Variants in MPRIP observed in about 807,000 individuals in gnomAD.
The protein encoded by MPRIP is myosin phosphatase Rho interacting protein.
MPRIP carries 59 observed loss-of-function variants against 234.9 expected under a neutral mutation model. The observed-to-expected ratio is 0.25, with a 90% CI of 0.20 to 0.31. The LOEUF (loss-of-function observed/expected upper bound fraction) is 0.31. Among genes scored for constraint, MPRIP ranks in the 10% least tolerant of loss-of-function variants. MPRIP has a pLI of 1.00. For synonymous variants in MPRIP, 1,144 were observed against 1,263.9 expected (o/e 0.91, Z 2.01); for missense variants, 2,436 against 3,071.0 (o/e 0.79, Z 4.89).
chr17:17,099,886 AT>A (rs1479371692), intron 3 of MPRIP, among the ~76,000 whole-genome samples: 1 of 152,244 alleles, frequency 6.6e-6, no homozygotes, highest in East Asian at 1.9e-4. Context: ...TCTTGTACAA[AT>A]TTTGTAAAAA....
intron 3 of MPRIP, among the ~76,000 whole-genome samples, chr17:17,114,990 G>A (rs921445456): frequency 3.3e-5 from 5 of 152,386 alleles, no homozygotes; most frequent in East Asian, 1.9e-4. Flanking sequence ...AGCCCTGAAC[G>A]GGTCATTTCC....
chr17:17,138,109 C>A lies in MPRIP; in HGVS notation c.930C>A (p.Leu310=). The A allele has an allele frequency of 6.5e-7, 1 of 1,543,600 alleles. No individual in the cohort carries two copies. Among genetic ancestry groups the A allele is most frequent in the South Asian group, 1.2e-5 (1 of 81,226 alleles). ...GCCCCGAGTCGCCCTCCCAGGAGCT[C>A]GGTGGTCCTCTTCCTTCCCCAGGTC... ...YSCPESPSQE[L]GGPLPSPGPR... The change falls in exon 7 of 24, where the codon CTC becomes CTA. Residue 310 remains leucine, a synonymous_variant. Transcript: ENST00000651222. The surrounding 1 kb of genome is among the most constrained non-coding windows in gnomAD (Gnocchi z 5.8).
chr17:17,177,517 T>C, intron 22 of MPRIP, 105 bp downstream of exon 22: 1 of 1,289,034 alleles, frequency 7.8e-7, no homozygotes, highest in Non-Finnish European at 1.1e-6. Context: ...GTCCCAGTGA[T>C]GCTTGTAGAC....
Position 17,165,056 on chromosome 17 carries a change from G to A in MPRIP, c.3465G>A (p.Gln1155=), listed in dbSNP as rs1346290989. Residue 1155 remains glutamine (Q), a synonymous_variant, in exon 16 of 24, where the codon CAG becomes CAA. Transcript: ENST00000651222. Reference sequence around the variant, plus strand: ...ACTCCTACCAGAGGGTCTCCAGCCAGCTGCAGAGCATGCACACTCTGCTGA... The same window carrying A: ...ACTCCTACCAGAGGGTCTCCAGCCAACTGCAGAGCATGCACACTCTGCTGA... ...LEHSYQRVSS[Q]LQSMHTLLRE... 7 of 1,302,612 alleles carry A rather than the reference G, an allele frequency of 5.4e-6. No individual in the cohort carries two copies. In the East Asian group the frequency reaches 2.8e-4, roughly 52 times the overall value. 80.7% of individuals were successfully genotyped at this position (1,302,612 alleles called of 1,614,324 possible). A position where few individuals can be genotyped will look rare whatever the true frequency, so the allele number is the denominator to read the frequency against.
At chr17:17,109,849 G>A (rs975345869) in intron 3 of MPRIP, among the ~76,000 whole-genome samples, 1 of 152,208 alleles carries the variant, frequency 6.6e-6, no homozygotes, top group African/African-American at 2.4e-5. Flanking sequence ...CATGCGGATG[G>A]GGGTGTGTCA....
chr17:17,167,143 C>A lies in MPRIP; in HGVS notation c.5552C>A (p.Ala1851Glu). 1 of 1,304,112 alleles carries A rather than the reference C, an allele frequency of 7.7e-7. No homozygotes were observed. Among genetic ancestry groups the A allele is most frequent in the Non-Finnish European group, 1.0e-6 (1 of 988,944 alleles). 80.8% of individuals were successfully genotyped at this position (1,304,112 alleles called of 1,614,324 possible). A position where few individuals can be genotyped will look rare whatever the true frequency, so the allele number is the denominator to read the frequency against. ...ATTATTCAGGCCCAGGTTTGCTATG[C>A]GTCCTGCAGAATCCGGCTAGAATAT... is the stretch of plus-strand genomic sequence containing the variant. ...DAIIQAQVCYASCRIRLEYEK... is the reference protein window; with the variant it reads ...DAIIQAQVCYESCRIRLEYEK... Residue 1851 changes from alanine (A) to glutamate (E), a missense_variant, in exon 16 of 24, where the codon GCG (alanine) becomes GAG (glutamate). This residue lies in a region of MPRIP where 1,998 missense variants were observed against 2,520.3 expected (regional missense o/e 0.79). Coordinates refer to ENST00000651222, the MANE Select transcript of MPRIP (RefSeq NM_001364716.4). The surrounding 1 kb of genome is among the most constrained non-coding windows in gnomAD (Gnocchi z 5.9).
chr17:17,128,746 G>A (rs1202744804), intron 4 of MPRIP, among the ~76,000 whole-genome samples: 1 of 152,170 alleles, frequency 6.6e-6, no homozygotes, highest in Non-Finnish European at 1.5e-5. Flanking sequence ...CCACAAGCTG[G>A]GATGCTCAGC....
intron 8 of MPRIP, 33 bp downstream of exon 8, chr17:17,142,798 G>GTA: frequency 6.2e-7 from 1 of 1,606,294 alleles, no homozygotes; most frequent in Non-Finnish European, 8.5e-7. Context: ...CACCTCAGGG[G>GTA]TGGCTCGGGG....
Position 17,164,694 on chromosome 17 carries a change from G to A in MPRIP, c.3103G>A (p.Ala1035Thr). ...GGAGAGCTGTGAGAAGGAGAAGCAG[G>A]CATTGCTGCAGAACCTAAAGGAAGT... ...LLESCEKEKQ[A>T]LLQNLKEVED... Residue 1035 changes from alanine to threonine, a missense_variant, in exon 16 of 24, where the codon GCA becomes ACA. Around this residue, in one of 4 missense-constraint regions of MPRIP, gnomAD observed 1,998 missense variants for 2,520.3 expected, o/e 0.79. Coordinates refer to ENST00000651222, the MANE Select transcript of MPRIP (RefSeq NM_001364716.4). 1 of 1,272,082 alleles carries A rather than the reference G, an allele frequency of 7.9e-7. No homozygotes were observed. The highest frequency in any genetic ancestry group is 1.0e-6 in the Non-Finnish European group (1 of 976,174). The allele number at this position is 1,272,082 out of a possible 1,614,324, so 78.8% of individuals were successfully genotyped here. A position where few individuals can be genotyped will look rare whatever the true frequency, so the allele number is the denominator to read the frequency against.
Position 17,175,338 on chromosome 17 carries a change from C to T in MPRIP, c.6796C>T (p.Leu2266=). The T allele has an allele frequency of 6.2e-7, 1 of 1,613,628 alleles. No homozygotes were observed. Among genetic ancestry groups the T allele is most frequent in the Admixed American group, 1.7e-5 (1 of 60,032 alleles). ...LAAEITRLRT[L]LTGDGGGEAT... is the part of the protein sequence containing the mutation. The stretch of plus-strand genomic sequence containing the variant: ...TGCAGAGATCACACGGTTGCGGACG[C>T]TGCTGACTGGGGACGGCGGTGGGGA... The change falls in exon 20 of 24, where the codon CTG becomes TTG. Residue 2266 remains leucine, a synonymous_variant. Transcript: ENST00000651222.
intron 1 of MPRIP, among the ~76,000 whole-genome samples, chr17:17,060,538 G>C (rs938858300): frequency 6.6e-6 from 1 of 152,128 alleles, no homozygotes; most frequent in South Asian, 2.1e-4. Flanking sequence ...TGTGTGCCTC[G>C]GTTTCCTGGG....
At position 17,165,531 on chromosome 17, in the gene MPRIP, G is replaced by C. The variant is rs770270936; in HGVS notation, c.3940G>C (p.Ala1314Pro). Residue 1314 changes from alanine (A) to proline (P), a missense_variant, in exon 16 of 24, where the codon GCA (alanine) becomes CCA (proline). Coordinates refer to ENST00000651222, the MANE Select transcript of MPRIP (RefSeq NM_001364716.4). ...GGGCACAGCCAAACTCGACCAAGGGGCACCTGGTGTTAAAAGGCAAAGAAT... is the reference window on the plus strand; with the variant it reads ...GGGCACAGCCAAACTCGACCAAGGGCCACCTGGTGTTAAAAGGCAAAGAAT... ...QQGTAKLDQG[A>P]PGVKRQRIRF... 7.7e-7 allele frequency: 1 copy of C among 1,304,362 alleles called. No homozygotes were observed. The highest frequency in any genetic ancestry group is 5.5e-5 in the East Asian group (1 of 18,038). The allele number at this position is 1,304,362 out of a possible 1,614,324, so 80.8% of individuals were successfully genotyped here. A position where few individuals can be genotyped will look rare whatever the true frequency, so the allele number is the denominator to read the frequency against.
At chr17:17,048,882 C>A (rs961476634) in intron 1 of MPRIP, among the ~76,000 whole-genome samples, 14 of 152,190 alleles carry the variant, frequency 9.2e-5, no homozygotes, top group African/African-American at 3.4e-4. Flanking sequence ...TACTTGTATA[C>A]AAATGTTCAT....
Position 17,175,400 on chromosome 17 carries a change from C to T in MPRIP, c.6858C>T (p.Ala2286=). 3.1e-6 allele frequency: 5 copies of T among 1,610,508 alleles called. No individual in the cohort carries two copies. Among genetic ancestry groups the T allele is most frequent in the Middle Eastern group, 1.7e-4 (1 of 6,048 alleles). ...CACCCCTTGCACAGGGCAAGGATGC[C>T]TATGAACTAGAGGTACCATCAGGAG... is the stretch of plus-strand genomic sequence containing the variant. ...TGSPLAQGKD[A]YELEVLLRVK... The change falls in exon 20 of 24, where the codon GCC becomes GCT. Residue 2286 remains alanine, a synonymous_variant. Transcript: ENST00000651222.
chr17:17,158,766 G>C lies in MPRIP; in HGVS notation c.2164G>C (p.Gly722Arg). ...KRFGMLDATD[G>R]PGTEDAALRM... ...CTTCGGGATGCTCGACGCCACAGAC[G>C]GGCCAGGCACTGAGGATGCAGCCCT... Residue 722 changes from glycine (G) to arginine (R), a missense_variant, in exon 14 of 24, where the codon GGG (glycine) becomes CGG (arginine). Gly to Arg is a moderately radical substitution (Grantham distance 125, BLOSUM62 -2). Transcript: ENST00000651222. 6.2e-7 allele frequency: 1 copy of C among 1,611,668 alleles called. No homozygotes were observed. Among genetic ancestry groups the C allele is most frequent in the Non-Finnish European group, 8.5e-7 (1 of 1,179,886 alleles).
intron 16 of MPRIP, chr17:17,169,939 T>C (rs2046094556): frequency 6.6e-6 from 1 of 152,174 alleles, no homozygotes; most frequent in Admixed American, 6.5e-5. Context: ...CAACTAGGTC[T>C]TTAAAGATGT....
Position 17,096,797 on chromosome 17 carries a change from T to G in MPRIP, c.267+18721T>G, listed in dbSNP as rs1280572951. The G allele has an allele frequency of 1.4e-4, 64 of 471,030 alleles. No individual in the cohort carries two copies. In the Admixed American group the frequency reaches 1.5e-3, roughly 11 times the overall value. 29.2% of individuals were successfully genotyped at this position (471,030 alleles called of 1,614,324 possible). A position where few individuals can be genotyped will look rare whatever the true frequency, so the allele number is the denominator to read the frequency against. On this transcript the variant is annotated intron_variant, in intron 3 of 23. Transcript: ENST00000651222. ...CTTCCCAGTGACTCTCCTTGGGGCC[T>G]GGGGAAACCACAAGGGAGCTTGGAT...
At chr17:17,142,331 G>T in intron 7 of MPRIP, 1 of 317,926 alleles carries the variant, frequency 3.1e-6, no homozygotes, top group South Asian at 4.1e-5. Flanking sequence ...TGTGGCTCAG[G>T]AGAGGCTGCC....
intron 3 of MPRIP, among the ~76,000 whole-genome samples, chr17:17,115,264 G>A (rs995712011): frequency 5.3e-5 from 8 of 152,264 alleles, no homozygotes; most frequent in African/African-American, 1.7e-4. Flanking sequence ...TTCCAGTAGA[G>A]GGAAGGAAAG....
Sources: allele counts gnomAD v4.1 joint callset (sites outside exome capture counted in the v4.1 genomes callset), GRCh38; gene constraint gnomAD v4.1.1; regional missense constraint gnomAD v4.1.1; non-coding constraint Gnocchi (gnomAD v3.1); transcripts MANE v1.5; gene names NCBI Gene and HGNC (gene_info 2026-07-23, HGNC 2026-07-21).